Variants in SLC22A23 observed in about 807,000 individuals in gnomAD.
SLC22A23 encodes the protein ion transporter protein.
Under a neutral mutation model 61.0 loss-of-function variants are expected in SLC22A23, and 26 were observed. The observed-to-expected ratio is 0.43, with a 90% CI of 0.31 to 0.59. SLC22A23 has a LOEUF of 0.59. SLC22A23 is among the 20% of genes least tolerant of loss of function. SLC22A23 has a pLI of 0.11. For missense variants in SLC22A23, 796 were observed against 934.7 expected (o/e 0.85, Z 1.94); for synonymous variants, 430 against 413.9 (o/e 1.04, Z -0.47).
In SLC22A23 at chr6:3,350,347, T is replaced by A. The variant is rs926446391; in HGVS notation, c.914-26345A>T. ...TGCTGTTTTTGTACAATGCACTGCC[T>A]GATTTTATTCAGCTCGTCCCTAAGA... On this transcript the variant is annotated intron_variant, in intron 3 of 9. Transcript: ENST00000406686. Among the ~76,000 whole-genome samples the A allele has an allele frequency of 3.3e-5, 5 of 152,240 alleles. No homozygotes were observed. The East Asian group carries it at 9.6e-4, about 29-fold the overall frequency.
In SLC22A23 at chr6:3,286,421, G is replaced by A. The variant is rs1760013345; in HGVS notation, c.1546+438C>T. ...GGCCAGATTATTTTTAACCTTTACT[G>A]AGAAATTCTTTGGTCCAAAGAGAAG... On this transcript the variant is annotated intron_variant, in intron 7 of 9. Coordinates refer to ENST00000406686, the MANE Select transcript of SLC22A23 (RefSeq NM_015482.2). This position sits in a 1 kb window ranked among gnomAD's most constrained non-coding sequence, Gnocchi z 4.2. Among the ~76,000 whole-genome samples, 1 of 152,194 alleles carries A rather than the reference G, an allele frequency of 6.6e-6. No homozygotes were observed. Among genetic ancestry groups the A allele is most frequent in the Non-Finnish European group, 1.5e-5 (1 of 68,030 alleles).
At chr6:3,419,345 C>T (rs1367089872) in intron 1 of SLC22A23, among the ~76,000 whole-genome samples, 1 of 152,218 alleles carries the variant, frequency 6.6e-6, no homozygotes. Flanking sequence ...TGATTCCAGT[C>T]TCCTTCTGGT....
At chr6:3,273,546 T>G (rs1758627788) in intron 9 of SLC22A23, 134 bp from the exon 10 acceptor site, 1 of 863,036 alleles carries the variant, frequency 1.2e-6, no homozygotes, top group Non-Finnish European at 1.8e-6. Flanking sequence ...TACCCCGACC[T>G]CACACGTCCC....
intron 3 of SLC22A23, among the ~76,000 whole-genome samples, chr6:3,347,709 AT>A (rs1413928293): frequency 1.3e-5 from 2 of 151,852 alleles, no homozygotes; most frequent in Admixed American, 6.6e-5. Context: ...TAAAAATCTG[AT>A]TTTTTTATGA....
chr6:3,374,563 G>A (rs1199745063), intron 3 of SLC22A23, among the ~76,000 whole-genome samples: 5 of 152,180 alleles, frequency 3.3e-5, no homozygotes, highest in African/African-American at 4.8e-5. Context: ...GAAACTGGGC[G>A]GGCTGAAACT....
intron 3 of SLC22A23, among the ~76,000 whole-genome samples, chr6:3,346,204 C>T (rs933405442): frequency 9.2e-5 from 14 of 152,182 alleles, no homozygotes; most frequent in African/African-American, 3.4e-4. Flanking sequence ...ATCTGACAGG[C>T]CAGCGCCACC....
At position 3,273,392 on chromosome 6, in the gene SLC22A23, A is replaced by ACCAGCC. The variant is rs754841104; in HGVS notation, c.1718_1723dup (p.Gly573_Leu574dup). ...CATGCCGAAGCCCGCGCTGGCCAGC[A>ACCAGCC]CCAGCCCCAGCCCGCCACACCTGCA... On this transcript the variant is annotated inframe_insertion, in exon 10 of 10. Transcript: ENST00000406686. The ACCAGCC allele has an allele frequency of 1.2e-6, 2 of 1,611,334 alleles. No individual in the cohort carries two copies. The highest frequency in any genetic ancestry group is 2.7e-5 in the African/African-American group (2 of 74,934).
chr6:3,372,515 T>C lies in SLC22A23; in HGVS notation c.913+37673A>G, dbSNP rs957308719. 6.6e-6 allele frequency among the ~76,000 whole-genome samples: 1 copy of C among 152,164 alleles called. No homozygotes were observed. Among genetic ancestry groups the C allele is most frequent in the African/African-American group, 2.4e-5 (1 of 41,448 alleles). ...TACTGTCTTGTGTGGAAGGAACACA[T>C]GTGGGCTGTGGAGTTCAGGGGCCAG... On this transcript the variant is annotated intron_variant, in intron 3 of 9. Transcript: ENST00000406686. This position sits in a 1 kb window ranked among gnomAD's most constrained non-coding sequence, Gnocchi z 4.7.
At chr6:3,381,054 G>A (rs148347074) in intron 3 of SLC22A23, among the ~76,000 whole-genome samples, 9 of 152,142 alleles carry the variant, frequency 5.9e-5, no homozygotes, top group Admixed American at 1.3e-4. Flanking sequence ...GAGATGCCTC[G>A]TATGTGAAGG....
intron 1 of SLC22A23, among the ~76,000 whole-genome samples, chr6:3,437,660 G>A (rs1011561967): frequency 6.6e-6 from 1 of 151,384 alleles, no homozygotes; most frequent in Non-Finnish European, 1.5e-5. Context: ...CTGCACTCCA[G>A]CCTGGGTGAC....
At chr6:3,376,394 C>T (rs1216193551) in intron 3 of SLC22A23, among the ~76,000 whole-genome samples, 1 of 152,122 alleles carries the variant, frequency 6.6e-6, no homozygotes, top group Non-Finnish European at 1.5e-5. Context: ...TAGTCCCTAC[C>T]GCCCCTCACC....
chr6:3,342,342 C>T lies in SLC22A23; in HGVS notation c.914-18340G>A, dbSNP rs1344420639. ...GATAAAACAAAATTTAAAGGAATAC[C>T]TTACTTCATTTAGGCAACCGAATAC... On this transcript the variant is annotated intron_variant, in intron 3 of 9. Coordinates refer to ENST00000406686, the MANE Select transcript of SLC22A23 (RefSeq NM_015482.2). The surrounding 1 kb of genome is among the most constrained non-coding windows in gnomAD (Gnocchi z 4.0). Among the ~76,000 whole-genome samples, 3 of 152,204 alleles carry T rather than the reference C, an allele frequency of 2.0e-5. No individual in the cohort carries two copies. The East Asian group carries it at 5.8e-4, about 29-fold the overall frequency.
intron 4 of SLC22A23, chr6:3,312,989 T>A (rs1217580385): frequency 1.3e-5 from 2 of 152,158 alleles, no homozygotes; most frequent in African/African-American, 4.8e-5. Context: ...CATCTTAGCA[T>A]GAGGACAGGA....
In SLC22A23 at chr6:3,329,581, G is replaced by T. The variant is rs1763470003; in HGVS notation, c.914-5579C>A. ...GCGCCCGCTCTGGCCTAGAGGTGGG[G>T]GTTAGATTCCTCCCCGGCCTCTGCT... is the stretch of plus-strand genomic sequence containing the variant. On this transcript the variant is annotated intron_variant, in intron 3 of 9. Coordinates refer to ENST00000406686, the MANE Select transcript of SLC22A23 (RefSeq NM_015482.2). This position sits in a 1 kb window ranked among gnomAD's most constrained non-coding sequence, Gnocchi z 4.8. 6.6e-6 allele frequency among the ~76,000 whole-genome samples: 1 copy of T among 152,198 alleles called. No individual in the cohort carries two copies. The highest frequency in any genetic ancestry group is 2.4e-5 in the African/African-American group (1 of 41,440).
At chr6:3,402,547 G>A (rs1421088966) in intron 3 of SLC22A23, among the ~76,000 whole-genome samples, 1 of 113,798 alleles carries the variant, frequency 8.8e-6, no homozygotes, top group Non-Finnish European at 1.9e-5. Flanking sequence ...CTAGGCTGCA[G>A]CCCACTCCAA....
intron 5 of SLC22A23, among the ~76,000 whole-genome samples, chr6:3,294,929 C>T (rs1218170354): frequency 2.0e-5 from 3 of 152,244 alleles, no homozygotes; most frequent in African/African-American, 7.2e-5. Context: ...CAGTGAGCAG[C>T]CCCACTGGAC....
At chr6:3,366,255 C>A (rs1368737750) in intron 3 of SLC22A23, among the ~76,000 whole-genome samples, 1 of 140,792 alleles carries the variant, frequency 7.1e-6, no homozygotes, top group South Asian at 2.3e-4. Context: ...ATTGCTTGAA[C>A]CCGGGAGGTG....
At chr6:3,422,211 G>A (rs952465371) in intron 1 of SLC22A23, among the ~76,000 whole-genome samples, 3 of 152,162 alleles carry the variant, frequency 2.0e-5, no homozygotes, top group Non-Finnish European at 2.9e-5. Flanking sequence ...GAAATGTAGG[G>A]TCAGCATTTT....
In SLC22A23 at chr6:3,329,109, A is replaced by T. The variant is rs1015965989; in HGVS notation, c.914-5107T>A. On this transcript the variant is annotated intron_variant, in intron 3 of 9. Transcript: ENST00000406686. The surrounding 1 kb of genome is among the most constrained non-coding windows in gnomAD (Gnocchi z 4.8). Reference sequence around the variant, plus strand: ...TGGCCCCAGCTCCAGCGGCTAAGGCATCTGCCCACCAGAAATACCAGGGGT... The same window carrying T: ...TGGCCCCAGCTCCAGCGGCTAAGGCTTCTGCCCACCAGAAATACCAGGGGT... 1.3e-5 allele frequency among the ~76,000 whole-genome samples: 2 copies of T among 150,760 alleles called. No homozygotes were observed. Among genetic ancestry groups the T allele is most frequent in the Non-Finnish European group, 2.9e-5 (2 of 68,034 alleles).
Sources: allele counts gnomAD v4.1 joint callset (sites outside exome capture counted in the v4.1 genomes callset), GRCh38; gene constraint gnomAD v4.1.1; non-coding constraint Gnocchi (gnomAD v3.1); transcripts MANE v1.5; gene names NCBI Gene and HGNC (gene_info 2026-07-23, HGNC 2026-07-21).